Variants in CERT1 observed in about 807,000 individuals in gnomAD.
CERT1 encodes the protein ceramide transporter 1.
A neutral mutation model predicts 87.9 loss-of-function variants in CERT1; 31 were observed. The ratio of observed to expected loss-of-function variants is 0.35; its 90% CI spans 0.27 to 0.48. CERT1 has a LOEUF of 0.48. Ranked by LOEUF, CERT1 falls within the 20% of genes least tolerant of loss-of-function variation. The pLI is 0.99. For missense variants in CERT1, 487 were observed against 758.0 expected (o/e 0.64, Z 4.20); for synonymous variants, 289 against 250.9 (o/e 1.15, Z -1.44).
At position 75,394,587 on chromosome 5, in the gene CERT1, A is replaced by G. The variant is rs142397792; in HGVS notation, c.1188+4723T>C. On this transcript the variant is annotated intron_variant, in intron 11 of 16. Transcript: ENST00000643780. ...AAAAAAATTAGCTGGGCATGATGGC[A>G]TGTGCCTGTAGTCCTTAGCCCCCGC... Among the ~76,000 whole-genome samples the G allele has an allele frequency of 2.1e-3, 316 of 152,214 alleles. 1 individual carries two copies. The East Asian group carries it at 0.027, about 13-fold the overall frequency.
rs1292342381 is a variant in CERT1, at chr5:75,416,871, C to T, written c.837+5G>A. 6.3e-7 allele frequency: 1 copy of T among 1,593,168 alleles called. No homozygotes were observed. The highest frequency in any genetic ancestry group is 8.5e-7 in the Non-Finnish European group (1 of 1,172,964). On this transcript the variant is annotated splice_donor_5th_base_variant and intron_variant, in intron 7 of 16. Transcript: ENST00000643780. ...ATTTTTAAAAGGAAAAAAACCTAGT[C>T]TTACCTTATCCAGTCTCTTCTGCCA...
chr5:75,498,681 G>C (rs1340736824), intron 2 of CERT1, among the ~76,000 whole-genome samples: 1 of 152,238 alleles, frequency 6.6e-6, no homozygotes, highest in Non-Finnish European at 1.5e-5. Context: ...GGAAACACCT[G>C]GATGTCCAGG....
intron 16 of CERT1, 105 bp from the exon 17 acceptor site, chr5:75,379,578 C>A (rs1761473204): frequency 9.8e-7 from 1 of 1,021,914 alleles, no homozygotes; most frequent in Non-Finnish European, 1.4e-6. Context: ...CACATTGGAC[C>A]AATTAGCATC....
intron 3 of CERT1, among the ~76,000 whole-genome samples, chr5:75,446,248 ACT>A (rs1057101930): frequency 1.3e-5 from 2 of 152,136 alleles, no homozygotes; most frequent in Admixed American, 6.5e-5. Flanking sequence ...ATTTAAGTTC[ACT>A]GATTGTTCTG....
At chr5:75,441,247 T>C (rs1764308464) in intron 3 of CERT1, among the ~76,000 whole-genome samples, 1 of 152,188 alleles carries the variant, frequency 6.6e-6, no homozygotes, top group African/African-American at 2.4e-5. Context: ...TACAATAGCA[T>C]GTTATACAGG....
At chr5:75,384,753 C>T in intron 13 of CERT1, 41 bp from the exon 14 acceptor site, 1 of 1,261,412 alleles carries the variant, frequency 7.9e-7, no homozygotes, top group Non-Finnish European at 1.2e-6. Flanking sequence ...TTATCTTTTC[C>T]TAGAATGTGA....
At chr5:75,412,893 C>T (rs957992259) in intron 7 of CERT1, among the ~76,000 whole-genome samples, 5 of 152,258 alleles carry the variant, frequency 3.3e-5, no homozygotes, top group African/African-American at 1.2e-4. Context: ...GGCTACACTA[C>T]ATTTATTTAA....
intron 2 of CERT1, among the ~76,000 whole-genome samples, chr5:75,459,481 A>G (rs2060935982): frequency 2.0e-5 from 3 of 152,034 alleles, no homozygotes. Context: ...ACACCACCAA[A>G]AGGATAACTT....
At chr5:75,505,769 C>A in intron 2 of CERT1, 2 of 340,646 alleles carry the variant, frequency 5.9e-6, no homozygotes, top group Non-Finnish European at 5.2e-6. Context: ...TTGATATACC[C>A]ACCAGATAAA....
At chr5:75,374,537 C>T (rs1761213208), downstream of CERT1, 1 of 717,916 alleles carries the variant, frequency 1.4e-6, no homozygotes, top group Non-Finnish European at 2.6e-6. Context: ...GCTGCACGAA[C>T]CGTGCCTGAT....
intron 6 of CERT1, among the ~76,000 whole-genome samples, chr5:75,418,838 G>A (rs900491846): frequency 2.6e-5 from 4 of 152,306 alleles, no homozygotes; most frequent in Middle Eastern, 3.4e-3. Flanking sequence ...AGAGAGGAAT[G>A]ACAAAGGGGA....
At chr5:75,396,982 C>G (rs1338544615) in intron 11 of CERT1, among the ~76,000 whole-genome samples, 2 of 152,164 alleles carry the variant, frequency 1.3e-5, no homozygotes, top group Non-Finnish European at 1.5e-5. Flanking sequence ...ACATCCAATG[C>G]TATATTCTCA....
chr5:75,449,806 T>G (rs772479134), intron 3 of CERT1, among the ~76,000 whole-genome samples: 20 of 152,234 alleles, frequency 1.3e-4, no homozygotes, highest in South Asian at 4.1e-4. Flanking sequence ...GTACCTTTAT[T>G]TATGTTTACT....
chr5:75,427,812 T>C (rs1376667383), intron 3 of CERT1, among the ~76,000 whole-genome samples: 2 of 152,316 alleles, frequency 1.3e-5, no homozygotes, highest in East Asian at 3.9e-4. Flanking sequence ...ACATCAATTT[T>C]TTTTTAATAC....
intron 16 of CERT1, among the ~76,000 whole-genome samples, chr5:75,379,818 C>A (rs181722435): frequency 6.6e-6 from 1 of 152,090 alleles, no homozygotes; most frequent in Non-Finnish European, 1.5e-5. Context: ...CTCTTGACCT[C>A]ATGATCCGCC....
intron 2 of CERT1, among the ~76,000 whole-genome samples, chr5:75,492,102 G>A (rs781458288): frequency 1.4e-4 from 22 of 152,112 alleles, no homozygotes; most frequent in African/African-American, 2.9e-4. Context: ...CCAGCTGTTC[G>A]AGAGGCCAAG....
intron 11 of CERT1, among the ~76,000 whole-genome samples, chr5:75,396,697 C>A (rs1173582543): frequency 3.5e-4 from 52 of 148,802 alleles, no homozygotes; most frequent in Non-Finnish European, 5.9e-5. Flanking sequence ...CCATTGCACT[C>A]CAGCCTGGGC....
intron 7 of CERT1, among the ~76,000 whole-genome samples, chr5:75,416,236 T>A (rs1461812027): frequency 6.6e-6 from 1 of 152,206 alleles, no homozygotes; most frequent in Non-Finnish European, 1.5e-5. Context: ...AATGATGGCA[T>A]TGGACTAGAA....
intron 1 of CERT1, among the ~76,000 whole-genome samples, chr5:75,510,849 A>C (rs1280826643): frequency 1.5e-4 from 23 of 152,142 alleles, no homozygotes; most frequent in Non-Finnish European, 4.4e-5. Context: ...CCTAAGTCCC[A>C]AGTCACGGCG....
Sources: allele counts gnomAD v4.1 joint callset (sites outside exome capture counted in the v4.1 genomes callset), GRCh38; gene constraint gnomAD v4.1.1; transcripts MANE v1.5; gene names NCBI Gene and HGNC (gene_info 2026-07-23, HGNC 2026-07-21).